Variants in FBXW4 observed in about 807,000 individuals in gnomAD.
FBXW4 encodes F-box and WD repeat domain containing 4.
A neutral mutation model predicts 61.8 loss-of-function variants in FBXW4; 40 were observed. The observed-to-expected ratio is 0.65, with a 90% CI of 0.50 to 0.84. The LOEUF is 0.84. Ranked by LOEUF, FBXW4 falls within the 40% of genes least tolerant of loss-of-function variation. FBXW4 has a pLI of 0.00. For synonymous variants in FBXW4, 311 were observed against 313.8 expected (o/e 0.99, Z 0.10); for missense variants, 672 against 753.8 (o/e 0.89, Z 1.27).
intron 1 of FBXW4, among the ~76,000 whole-genome samples, chr10:101,691,248 G>C (rs1180799171): frequency 6.6e-6 from 1 of 152,128 alleles, no homozygotes; most frequent in East Asian, 1.9e-4. Flanking sequence ...AAGTGGACTG[G>C]GGTGCATGCC....
At chr10:101,686,583 A>G (rs900084419) in intron 1 of FBXW4, among the ~76,000 whole-genome samples, 1 of 152,184 alleles carries the variant, frequency 6.6e-6, no homozygotes, top group African/African-American at 2.4e-5. Context: ...CATACCTTCA[A>G]AATGACTTTT....
intron 5 of FBXW4, among the ~76,000 whole-genome samples, chr10:101,652,004 C>T (rs2064149728): frequency 6.6e-6 from 1 of 151,914 alleles, no homozygotes; most frequent in African/African-American, 2.4e-5. Flanking sequence ...CTTTCAAATC[C>T]GAATGGGGAG....
At chr10:101,667,728 C>G (rs1292845942) in intron 5 of FBXW4, among the ~76,000 whole-genome samples, 158 bp downstream of exon 5, 1 of 152,112 alleles carries the variant, frequency 6.6e-6, no homozygotes, top group African/African-American at 2.4e-5. Flanking sequence ...ATGAAGTGGC[C>G]TAAATAACTC....
At chr10:101,621,703 C>T (rs2063868171) in intron 6 of FBXW4, among the ~76,000 whole-genome samples, 1 of 152,138 alleles carries the variant, frequency 6.6e-6, no homozygotes, top group African/African-American at 2.4e-5. Flanking sequence ...TAATTAATTT[C>T]CACTTTACAA....
At chr10:101,678,866 T>C (rs762072851) in intron 1 of FBXW4, among the ~76,000 whole-genome samples, 1 of 152,232 alleles carries the variant, frequency 6.6e-6, no homozygotes, top group Non-Finnish European at 1.5e-5. Flanking sequence ...AGAAAGAAGA[T>C]ACCTAATTCA....
intron 5 of FBXW4, among the ~76,000 whole-genome samples, chr10:101,630,664 G>C (rs914773841): frequency 2.0e-5 from 3 of 152,294 alleles, no homozygotes; most frequent in Admixed American, 6.5e-5. Flanking sequence ...GTGAGGGAGA[G>C]ACCAGTAGAG....
At chr10:101,631,688 C>T (rs552694734) in intron 5 of FBXW4, among the ~76,000 whole-genome samples, 30 of 149,632 alleles carry the variant, frequency 2.0e-4, no homozygotes, top group Non-Finnish European at 3.7e-4. Context: ...AGTGCAGTGG[C>T]GCAATCTCGG....
chr10:101,679,087 G>C lies in FBXW4; in HGVS notation c.726-2651C>G, dbSNP rs147458519. 3.3e-3 allele frequency among the ~76,000 whole-genome samples: 495 copies of C among 152,264 alleles called. 11 individuals carry two copies. Among genetic ancestry groups the C allele is most frequent in the African/African-American group, 0.011 (467 of 41,560 alleles). The stretch of plus-strand genomic sequence containing the variant: ...TAGAGGCAACTATGTATTCACTGTA[G>C]ATAAGTATATATGCATGTTGCCCAG... On this transcript the variant is annotated intron_variant, in intron 1 of 8. Coordinates refer to ENST00000331272, the MANE Select transcript of FBXW4 (RefSeq NM_022039.4).
chr10:101,665,525 G>A (rs2064289627), intron 5 of FBXW4, among the ~76,000 whole-genome samples: 1 of 152,156 alleles, frequency 6.6e-6, no homozygotes, highest in Non-Finnish European at 1.5e-5. Context: ...CACCAAAGAT[G>A]AGACACATCG....
chr10:101,634,710 C>T (rs1216087538), intron 5 of FBXW4, among the ~76,000 whole-genome samples: 1 of 148,436 alleles, frequency 6.7e-6, no homozygotes, highest in African/African-American at 2.5e-5. Flanking sequence ...AATTAGAAGC[C>T]TACCTCCCAG....
At chr10:101,666,456 A>G (rs2064301187) in intron 5 of FBXW4, among the ~76,000 whole-genome samples, 2 of 152,156 alleles carry the variant, frequency 1.3e-5, no homozygotes, top group South Asian at 4.1e-4. Flanking sequence ...GGAAGGGAGT[A>G]GGAGGAGGGG....
intron 1 of FBXW4, among the ~76,000 whole-genome samples, chr10:101,692,746 C>CAAAAAAA (rs61631625): frequency 4.5e-4 from 38 of 84,962 alleles, no homozygotes; most frequent in Middle Eastern, 6.7e-3. Flanking sequence ...AACTCCGTCT[C>CAAAAAAA]AAAAAAAAAA....
At chr10:101,668,950 T>C (rs1220735704) in intron 4 of FBXW4, among the ~76,000 whole-genome samples, 2 of 152,192 alleles carry the variant, frequency 1.3e-5, no homozygotes, top group Admixed American at 6.5e-5. Flanking sequence ...AGCAGTGCTA[T>C]AAGGGGAACA....
intron 6 of FBXW4, among the ~76,000 whole-genome samples, chr10:101,622,392 A>C (rs540674135): frequency 6.6e-6 from 1 of 152,328 alleles, no homozygotes; most frequent in South Asian, 2.1e-4. Context: ...ATTCCATCAA[A>C]ATTTTAAACA....
At chr10:101,624,626 T>C in intron 6 of FBXW4, 119 bp downstream of exon 6, 4 of 1,067,188 alleles carry the variant, frequency 3.7e-6, no homozygotes, top group Non-Finnish European at 5.8e-6. Context: ...AGAGGCCTCC[T>C]ACTAGACCAC....
intron 1 of FBXW4, among the ~76,000 whole-genome samples, chr10:101,678,470 G>A (rs1333072901): frequency 6.6e-6 from 1 of 152,156 alleles, no homozygotes; most frequent in Non-Finnish European, 1.5e-5. Flanking sequence ...CTGTCACCCA[G>A]GCTGGAGTGC....
At chr10:101,681,954 A>G (rs1451667058) in intron 1 of FBXW4, among the ~76,000 whole-genome samples, 1 of 152,056 alleles carries the variant, frequency 6.6e-6, no homozygotes, top group African/African-American at 2.4e-5. Flanking sequence ...TAATTATACA[A>G]CCCAGGTAAC....
intron 3 of FBXW4, 149 bp from the exon 4 acceptor site, chr10:101,673,196 G>A (rs1564922659): frequency 1.0e-6 from 1 of 989,230 alleles, no homozygotes; most frequent in East Asian, 2.6e-5. Context: ...TGACTTTCTA[G>A]ATACCTTTAC....
At chr10:101,693,036 G>A (rs2064628578) in intron 1 of FBXW4, among the ~76,000 whole-genome samples, 1 of 152,194 alleles carries the variant, frequency 6.6e-6, no homozygotes, top group Non-Finnish European at 1.5e-5. Context: ...CAAAGAGTGG[G>A]AAGAGACAGT....
Sources: allele counts gnomAD v4.1 joint callset (sites outside exome capture counted in the v4.1 genomes callset), GRCh38; gene constraint gnomAD v4.1.1; transcripts MANE v1.5; gene names NCBI Gene and HGNC (gene_info 2026-07-23, HGNC 2026-07-21).